STOX2: variants seen among roughly 807,000 people sequenced by gnomAD.
STOX2 encodes the protein storkhead-box protein 2.
A neutral mutation model predicts 60.9 loss-of-function variants in STOX2; 28 were observed. That is an observed-to-expected ratio of 0.46 (90% confidence interval 0.34 to 0.63). STOX2 has a LOEUF of 0.63. STOX2 is among the 30% of genes least tolerant of loss of function. The probability of loss-of-function intolerance (pLI) is 0.01; values close to 1 mark genes in which losing one functional copy is unlikely to be tolerated. For synonymous variants in STOX2, 472 were observed against 463.9 expected (o/e 1.02, Z -0.22); for missense variants, 1,024 against 1,187.7 (o/e 0.86, Z 2.03).
intron 1 of STOX2, among the ~76,000 whole-genome samples, chr4:183,833,764 C>T (rs1739630515): frequency 6.8e-6 from 1 of 147,748 alleles, no homozygotes; most frequent in South Asian, 2.1e-4. Flanking sequence ...GGGCGGATCA[C>T]GAGGTCAGGA....
chr4:183,861,942 A>C (rs552766564), intron 1 of STOX2, among the ~76,000 whole-genome samples: 2 of 152,196 alleles, frequency 1.3e-5, no homozygotes, highest in South Asian at 4.1e-4. Context: ...GGATCACAGG[A>C]GCCTCATCCC....
intron 1 of STOX2, among the ~76,000 whole-genome samples, chr4:183,919,109 C>T (rs1281067922): frequency 6.6e-6 from 1 of 152,186 alleles, no homozygotes; most frequent in Non-Finnish European, 1.5e-5. Context: ...CTTATGATTC[C>T]ACAAGTATTG....
intron 1 of STOX2, among the ~76,000 whole-genome samples, chr4:183,848,003 T>C (rs868215551): frequency 2.6e-5 from 4 of 152,032 alleles, no homozygotes; most frequent in African/African-American, 4.8e-5. Flanking sequence ...GAGTAGGAAA[T>C]GGAGGGATAT....
At chr4:183,812,493 C>T (rs973810714) in intron 1 of STOX2, among the ~76,000 whole-genome samples, 1 of 151,968 alleles carries the variant, frequency 6.6e-6, no homozygotes, top group Non-Finnish European at 1.5e-5. Context: ...TTTTTCTTCC[C>T]TCATTAAAAT....
intron 1 of STOX2, chr4:183,798,168 C>A (rs1316633312): frequency 1.9e-6 from 2 of 1,033,084 alleles, no homozygotes. Flanking sequence ...CGCCGAGGCT[C>A]CCCTGGGTGC....
chr4:183,910,518 C>T (rs1013223879), intron 1 of STOX2, among the ~76,000 whole-genome samples: 2 of 152,124 alleles, frequency 1.3e-5, no homozygotes, highest in Non-Finnish European at 2.9e-5. Flanking sequence ...CTCCCCCAGC[C>T]CTGGGGATGG....
At chr4:183,900,379 T>C (rs529153235), upstream of STOX2, among the ~76,000 whole-genome samples, 3 of 152,330 alleles carry the variant, frequency 2.0e-5, no homozygotes, top group African/African-American at 7.2e-5. Context: ...ATTCCTCTGA[T>C]GGATCTGAGC....
At chr4:183,961,790 T>C (rs888842392) in intron 1 of STOX2, among the ~76,000 whole-genome samples, 4 of 152,244 alleles carry the variant, frequency 2.6e-5, no homozygotes, top group Non-Finnish European at 4.4e-5. Context: ...TACATAAATG[T>C]GATAGCATAG....
At chr4:183,835,106 C>G (rs1413823981) in intron 1 of STOX2, among the ~76,000 whole-genome samples, 1 of 151,694 alleles carries the variant, frequency 6.6e-6, no homozygotes, top group Non-Finnish European at 1.5e-5. Flanking sequence ...TTACGTGACC[C>G]TCAGGCAAGT....
At chr4:183,949,041 A>G (rs918597858) in intron 1 of STOX2, among the ~76,000 whole-genome samples, 1 of 152,186 alleles carries the variant, frequency 6.6e-6, no homozygotes, top group South Asian at 2.1e-4. Context: ...GATATCCACT[A>G]AGCAGAGGTC....
rs569885499 is a variant in STOX2 at position 183,838,054 on chromosome 4, C to T, written c.364+39999C>T. Among the ~76,000 whole-genome samples, 14 of 151,750 alleles carry T rather than the reference C, an allele frequency of 9.2e-5. No homozygotes were observed. The South Asian group carries it at 1.5e-3, about 16-fold the overall frequency. On this transcript the variant is annotated intron_variant, in intron 1 of 2. Transcript: ENST00000513034. The stretch of plus-strand genomic sequence containing the variant: ...AATTAAAATTAAAACAGAAAATCAC[C>T]GCTTTTGTATTTAGTGATAATTTTT...
chr4:183,951,029 C>A (rs1013210529), intron 1 of STOX2, among the ~76,000 whole-genome samples: 30 of 151,960 alleles, frequency 2.0e-4, no homozygotes, highest in East Asian at 5.9e-4. Flanking sequence ...TCCTGGCTAA[C>A]ACGGTGAAAC....
chr4:183,925,383 A>C (rs1000972879), intron 1 of STOX2, among the ~76,000 whole-genome samples: 1 of 152,102 alleles, frequency 6.6e-6, no homozygotes, highest in Non-Finnish European at 1.5e-5. Flanking sequence ...GGGTCTTGCT[A>C]TGTTGCCCAG....
chr4:183,882,012 A>G (rs1740971878), intron 1 of STOX2, among the ~76,000 whole-genome samples: 1 of 152,234 alleles, frequency 6.6e-6, no homozygotes, highest in Admixed American at 6.5e-5. Flanking sequence ...CAGCCAAGGC[A>G]CCACTCGGAC....
chr4:183,997,369 G>A (rs1733386345), intron 1 of STOX2, among the ~76,000 whole-genome samples: 1 of 152,246 alleles, frequency 6.6e-6, no homozygotes, highest in Admixed American at 6.5e-5. Flanking sequence ...TGGCAAGTAA[G>A]GATGGAGGTG....
intron 1 of STOX2, among the ~76,000 whole-genome samples, chr4:183,866,089 C>G (rs1740560262): frequency 6.6e-6 from 1 of 152,128 alleles, no homozygotes; most frequent in Non-Finnish European, 1.5e-5. Flanking sequence ...GAGAAAGATA[C>G]ACGTGCTGAT....
chr4:183,834,751 C>T (rs1027967358), intron 1 of STOX2, among the ~76,000 whole-genome samples: 1 of 152,208 alleles, frequency 6.6e-6, no homozygotes, highest in Non-Finnish European at 1.5e-5. Flanking sequence ...GTGACGCATT[C>T]ATTCATTCCA....
intron 1 of STOX2, among the ~76,000 whole-genome samples, chr4:183,968,735 GA>G (rs1304644612): frequency 1.4e-5 from 2 of 145,398 alleles, no homozygotes; most frequent in African/African-American, 2.5e-5. Context: ...TCTTTTCTGA[GA>G]GTAGGTTGGG....
intron 1 of STOX2, among the ~76,000 whole-genome samples, chr4:183,805,245 G>T (rs1457466529): frequency 1.3e-5 from 2 of 152,170 alleles, no homozygotes; most frequent in Non-Finnish European, 2.9e-5. Context: ...GAAGTTTGGA[G>T]ATTGTACTTG....
Sources: gnomAD v4.1 joint callset for allele counts (sites outside exome capture counted in the v4.1 genomes callset) on GRCh38, gnomAD v4.1.1 for gene constraint, MANE v1.5 for transcripts, NCBI Gene and HGNC (gene_info 2026-07-23, HGNC 2026-07-21) for gene names.